The following INPP4B variants were observed in gnomAD, a reference collection of about 807,000 sequenced individuals.
The protein encoded by INPP4B is inositol polyphosphate-4-phosphatase type II B.
A neutral mutation model predicts 122.5 loss-of-function variants in INPP4B; 55 were observed. That is an observed-to-expected ratio of 0.45 (90% CI 0.36 to 0.56). INPP4B has a LOEUF of 0.56. Ranked by LOEUF, INPP4B falls within the 20% of genes least tolerant of loss-of-function variation. The pLI, the probability that INPP4B is intolerant of heterozygous loss-of-function variation, is 0.00. For synonymous variants in INPP4B, 403 were observed against 388.7 expected, an observed-to-expected ratio of 1.04 and a Z score of -0.43; for missense variants, 1,000 against 1,097.7, an observed-to-expected ratio of 0.91 and a Z score of 1.26.
rs533123050 is a variant in INPP4B at position 142,322,924 on chromosome 4, G to A, written c.373-8162C>T. ...GGTGAATACTCCACTTGATTCTAAT[G>A]TGAAGCCAAAGTTAGAGTAAAGAAC... On this transcript the variant is annotated intron_variant, in intron 7 of 25. Coordinates refer to ENST00000262992, the MANE Select transcript of INPP4B (RefSeq NM_001101669.3). Among the ~76,000 whole-genome samples, 17 of 152,314 alleles carry A rather than the reference G, an allele frequency of 1.1e-4. No homozygotes were observed. The South Asian group carries it at 3.5e-3, about 32-fold the overall frequency.
chr4:142,271,987 C>A (rs1050896795), intron 9 of INPP4B, among the ~76,000 whole-genome samples: 1 of 152,080 alleles, frequency 6.6e-6, no homozygotes, highest in African/African-American at 2.4e-5. Context: ...TTCACTTGAG[C>A]CTTTTGTGAA....
intron 2 of INPP4B, among the ~76,000 whole-genome samples, chr4:142,619,352 G>A (rs1744390046): frequency 1.3e-5 from 2 of 152,052 alleles, no homozygotes; most frequent in South Asian, 4.1e-4. Context: ...TCTACTGACA[G>A]ATGAAGGGAC....
chr4:142,813,851 C>T (rs905785336), intron 1 of INPP4B, among the ~76,000 whole-genome samples: 3 of 151,986 alleles, frequency 2.0e-5, no homozygotes, highest in Admixed American at 6.6e-5. Flanking sequence ...TATTCTTAAC[C>T]GAAATTTGAG....
chr4:142,574,290 C>T (rs1311750611), intron 2 of INPP4B, among the ~76,000 whole-genome samples: 1 of 152,058 alleles, frequency 6.6e-6, no homozygotes, highest in Non-Finnish European at 1.5e-5. Context: ...GTGTATTCTT[C>T]AGCCTCCTTA....
chr4:142,836,719 TACACACACACACACAC>T (rs138777384), intron 1 of INPP4B, among the ~76,000 whole-genome samples: 1 of 146,408 alleles, frequency 6.8e-6, no homozygotes, highest in African/African-American at 2.5e-5. Flanking sequence ...AAGTACTGTC[TACACACACACACACAC>T]ACACACACAC....
intron 1 of INPP4B, among the ~76,000 whole-genome samples, chr4:142,752,082 G>GT (rs1459551071): frequency 6.6e-6 from 1 of 151,932 alleles, no homozygotes; most frequent in Non-Finnish European, 1.5e-5. Flanking sequence ...CACAAACTCT[G>GT]TAAGCCTAGA....
At chr4:142,497,799 A>G (rs1395069207) in intron 2 of INPP4B, among the ~76,000 whole-genome samples, 4 of 152,158 alleles carry the variant, frequency 2.6e-5, no homozygotes, top group African/African-American at 9.7e-5. Flanking sequence ...CATTCTTGGC[A>G]TACTGCCACC....
At chr4:142,239,833 G>C (rs1561577624) in intron 11 of INPP4B, among the ~76,000 whole-genome samples, 1 of 151,688 alleles carries the variant, frequency 6.6e-6, no homozygotes, top group African/African-American at 2.4e-5. Context: ...TAAATATTTA[G>C]TTACTTAGTT....
chr4:142,406,198 C>G (rs1369483161), intron 5 of INPP4B, among the ~76,000 whole-genome samples: 2 of 152,118 alleles, frequency 1.3e-5, no homozygotes, highest in Non-Finnish European at 2.9e-5. Context: ...TGTAAAGTGC[C>G]CTCACTAGAG....
At chr4:142,316,734 A>G (rs1767845830) in intron 7 of INPP4B, among the ~76,000 whole-genome samples, 1 of 152,236 alleles carries the variant, frequency 6.6e-6, no homozygotes, top group Non-Finnish European at 1.5e-5. Flanking sequence ...GATCATAAAT[A>G]TTAATATAAA....
intron 2 of INPP4B, among the ~76,000 whole-genome samples, chr4:142,687,763 G>A (rs1160216249): frequency 6.6e-6 from 1 of 152,000 alleles, no homozygotes; most frequent in East Asian, 1.9e-4. Flanking sequence ...GACATTTGCT[G>A]AGACACTCTA....
intron 2 of INPP4B, among the ~76,000 whole-genome samples, chr4:142,563,892 G>T (rs531925070): frequency 6.6e-6 from 1 of 152,246 alleles, no homozygotes; most frequent in South Asian, 2.1e-4. Flanking sequence ...ATCCCCCGAA[G>T]CAGAGCCTTT....
intron 2 of INPP4B, among the ~76,000 whole-genome samples, chr4:142,693,001 G>A (rs898561924): frequency 6.8e-6 from 1 of 147,994 alleles, no homozygotes; most frequent in Non-Finnish European, 1.5e-5. Context: ...CTAACAACTT[G>A]ATGCCTTAAA....
intron 5 of INPP4B, among the ~76,000 whole-genome samples, chr4:142,413,389 C>G (rs1805013919): frequency 6.6e-6 from 1 of 152,094 alleles, no homozygotes; most frequent in South Asian, 2.1e-4. Context: ...CATACATACA[C>G]ATAAACTAAA....
At chr4:142,438,082 C>T (rs1291235887) in intron 3 of INPP4B, among the ~76,000 whole-genome samples, 4 of 152,154 alleles carry the variant, frequency 2.6e-5, no homozygotes, top group African/African-American at 7.2e-5. Flanking sequence ...ACATTCCACG[C>T]TCATGGATAG....
At chr4:142,624,566 T>TA (rs758942877) in intron 2 of INPP4B, among the ~76,000 whole-genome samples, 1 of 152,190 alleles carries the variant, frequency 6.6e-6, no homozygotes, top group Non-Finnish European at 1.5e-5. Context: ...AAGGAACTTG[T>TA]ACCATTCCTT....
intron 1 of INPP4B, among the ~76,000 whole-genome samples, chr4:142,827,427 TG>T (rs1241663326): frequency 6.6e-6 from 1 of 152,116 alleles, no homozygotes; most frequent in Non-Finnish European, 1.5e-5. Context: ...TCGTATAAAT[TG>T]GAAAAAAGCC....
intron 2 of INPP4B, among the ~76,000 whole-genome samples, chr4:142,467,528 GT>G (rs750884339): frequency 8.1e-4 from 121 of 148,746 alleles, no homozygotes; most frequent in Non-Finnish European, 1.2e-3. Context: ...TAAATAACTA[GT>G]TTTTTTTTTG....
intron 1 of INPP4B, among the ~76,000 whole-genome samples, chr4:142,772,930 C>G (rs1008132144): frequency 1.3e-5 from 2 of 151,948 alleles, no homozygotes; most frequent in African/African-American, 4.8e-5. Context: ...CCTTTAATCC[C>G]AACTACTTGA....
Sources: allele counts gnomAD v4.1 joint callset (sites outside exome capture counted in the v4.1 genomes callset), GRCh38; gene constraint gnomAD v4.1.1; transcripts MANE v1.5; gene names NCBI Gene and HGNC (gene_info 2026-07-23, HGNC 2026-07-21).